Variants in DNAH14 observed in about 807,000 individuals in gnomAD.
DNAH14 encodes dynein axonemal heavy chain 14, also known as axonemal beta dynein heavy chain 14.
Under a neutral mutation model 520.9 loss-of-function variants are expected in DNAH14, and 478 were observed. The ratio of observed to expected loss-of-function variants is 0.92; its 90% CI spans 0.85 to 0.99. The LOEUF is 0.99. DNAH14 is among the 50% of genes least tolerant of loss of function. The pLI, the probability that DNAH14 is intolerant of heterozygous loss-of-function variation, is 0.00. For missense variants in DNAH14, 4,831 were observed against 5,234.5 expected (o/e 0.92, Z 2.38); for synonymous variants, 1,581 against 1,757.2 (o/e 0.90, Z 2.51).
chr1:225,238,517 G>C (rs2091754831), intron 42 of DNAH14, among the ~76,000 whole-genome samples: 1 of 152,140 alleles, frequency 6.6e-6, no homozygotes, highest in African/African-American at 2.4e-5. Flanking sequence ...AGGGGATACT[G>C]ACCTGTTTCC....
At chr1:225,178,474 C>T (rs1284017003) in intron 36 of DNAH14, among the ~76,000 whole-genome samples, 3 of 152,130 alleles carry the variant, frequency 2.0e-5, no homozygotes, top group Non-Finnish European at 4.4e-5. Flanking sequence ...CAATTGCCTC[C>T]TCTGGGTCCC....
chr1:225,286,180 T>C lies in DNAH14; in HGVS notation c.8272-3705T>C, dbSNP rs548331951. On this transcript the variant is annotated intron_variant, in intron 54 of 85. Transcript: ENST00000682510. ...GAGAGGAGGGGAGAAAGGGAGAGTT[T>C]AGTTAATTAATACAAAATTATAGCT... Among the ~76,000 whole-genome samples the C allele has an allele frequency of 3.9e-5, 6 of 152,282 alleles. No homozygotes were observed. In the South Asian group the frequency reaches 1.2e-3, roughly 32 times the overall value.
At chr1:225,208,470 G>A (rs971951256) in intron 41 of DNAH14, among the ~76,000 whole-genome samples, 1 of 152,182 alleles carries the variant, frequency 6.6e-6, no homozygotes, top group South Asian at 2.1e-4. Context: ...TAAATATTAT[G>A]TATTTTAAAT....
intron 41 of DNAH14, among the ~76,000 whole-genome samples, chr1:225,210,572 C>G (rs2088238568): frequency 6.6e-6 from 1 of 151,926 alleles, no homozygotes. Context: ...GAAGGGTTGG[C>G]TGCTGCTTCA....
intron 15 of DNAH14, 42 bp downstream of exon 15, chr1:225,044,025 G>C: frequency 1.6e-6 from 2 of 1,233,156 alleles, no homozygotes; most frequent in South Asian, 1.5e-5. Context: ...TGTCTTCTTT[G>C]GCAATATTTT....
At position 225,340,650 on chromosome 1, in the gene DNAH14, ACT is replaced by A; in HGVS notation, c.10630_10631del (p.Leu3544Ter). 6.4e-7 allele frequency: 1 copy of A among 1,551,360 alleles called. No homozygotes were observed. The highest frequency in any genetic ancestry group is 1.2e-5 in the South Asian group (1 of 84,032). On this transcript the variant is annotated frameshift_variant, in exon 69 of 86. Transcript: ENST00000682510. LOFTEE classifies it high-confidence loss of function. ...GGAGAGTATTTCCCTTGATGCCATA[ACT>A]CTTGAAGAACTAGAGGAAAAAACAT... ...LLESISLDAI[T>X]LEELEEKTLN... is the part of the protein sequence containing the mutation.
intron 43 of DNAH14, among the ~76,000 whole-genome samples, chr1:225,241,334 G>A (rs1254122926): frequency 6.6e-6 from 1 of 152,144 alleles, no homozygotes; most frequent in Non-Finnish European, 1.5e-5. Context: ...AGTAGGTAAA[G>A]TGATTGTTGA....
intron 1 of DNAH14, among the ~76,000 whole-genome samples, chr1:224,937,185 A>G (rs904725064): frequency 6.6e-6 from 1 of 152,018 alleles, no homozygotes; most frequent in Non-Finnish European, 1.5e-5. Context: ...TTTATTTGAC[A>G]TACTTCTGGA....
chr1:224,963,936 C>A (rs1396879375), intron 4 of DNAH14, among the ~76,000 whole-genome samples: 2 of 152,114 alleles, frequency 1.3e-5, no homozygotes, highest in African/African-American at 2.4e-5. Context: ...CTTCTCTTTC[C>A]ATGATTTGTT....
intron 4 of DNAH14, among the ~76,000 whole-genome samples, chr1:224,963,276 T>C (rs551971307): frequency 6.6e-6 from 1 of 152,208 alleles, no homozygotes; most frequent in Middle Eastern, 3.4e-3. Context: ...AGTTGCTAAG[T>C]TTGAGCAAGT....
intron 2 of DNAH14, among the ~76,000 whole-genome samples, chr1:224,953,855 A>G (rs1015105896): frequency 1.1e-4 from 17 of 152,198 alleles, no homozygotes; most frequent in Non-Finnish European, 1.5e-4. Context: ...TTAGGAAAAC[A>G]TATAAGCTCA....
intron 36 of DNAH14, among the ~76,000 whole-genome samples, chr1:225,174,173 G>A (rs568862406): frequency 3.3e-5 from 5 of 152,142 alleles, no homozygotes; most frequent in African/African-American, 9.6e-5. Context: ...ATGACGAGTC[G>A]ATGGGTACAG....
intron 10 of DNAH14, among the ~76,000 whole-genome samples, chr1:225,017,576 G>A (rs1375075500): frequency 6.6e-6 from 1 of 152,200 alleles, no homozygotes; most frequent in Non-Finnish European, 1.5e-5. Context: ...CACTTTTGCT[G>A]ACAGCCTCCC....
At chr1:225,329,299 C>T (rs760361627) in intron 64 of DNAH14, among the ~76,000 whole-genome samples, 1 of 152,060 alleles carries the variant, frequency 6.6e-6, no homozygotes, top group Non-Finnish European at 1.5e-5. Context: ...GGATGTGAGT[C>T]AAATCCCAGA....
Position 225,351,607 on chromosome 1 carries a change from T to C in DNAH14, c.11297-40T>C, listed in dbSNP as rs536464382. 6.5e-5 allele frequency: 93 copies of C among 1,432,714 alleles called. No individual in the cohort carries two copies. In the African/African-American group the frequency reaches 1.2e-3, roughly 19 times the overall value. The allele number at this position is 1,432,714 out of a possible 1,614,324, so 88.8% of individuals were successfully genotyped here. A position where few individuals can be genotyped will look rare whatever the true frequency, so the allele number is the denominator to read the frequency against. ...GTAATGAATAACTAAAAGGTAAAGG[T>C]TTATCTCTTCTAATGTGATCATCTT... On this transcript the variant is annotated intron_variant, in intron 71 of 85. Coordinates refer to ENST00000682510, the MANE Select transcript of DNAH14 (RefSeq NM_001367479.1).
At chr1:224,980,165 G>T (rs1172980474) in intron 8 of DNAH14, among the ~76,000 whole-genome samples, 1 of 152,166 alleles carries the variant, frequency 6.6e-6, no homozygotes, top group Non-Finnish European at 1.5e-5. Flanking sequence ...GCCACAGTGG[G>T]ATGGAATACC....
intron 23 of DNAH14, among the ~76,000 whole-genome samples, chr1:225,111,454 G>A (rs2076470849): frequency 6.6e-6 from 1 of 151,920 alleles, no homozygotes; most frequent in Admixed American, 6.6e-5. Flanking sequence ...AGCTATTCTT[G>A]CTCTTTTTTG....
chr1:224,977,068 GCA>G (rs969747205), intron 8 of DNAH14, among the ~76,000 whole-genome samples: 1 of 151,416 alleles, frequency 6.6e-6, no homozygotes, highest in African/African-American at 2.4e-5. Context: ...ATTCACAATA[GCA>G]AAGACTTGGA....
At position 225,346,444 on chromosome 1, in the gene DNAH14, T is replaced by TA. The variant is rs1375760010; in HGVS notation, c.11098-12_11098-11insA. 3.2e-6 allele frequency: 5 copies of TA among 1,539,716 alleles called. No individual in the cohort carries two copies. The highest frequency in any genetic ancestry group is 4.4e-6 in the Non-Finnish European group (5 of 1,144,132). On this transcript the variant is annotated splice_polypyrimidine_tract_variant and intron_variant, in intron 70 of 85. Coordinates refer to ENST00000682510, the MANE Select transcript of DNAH14 (RefSeq NM_001367479.1). ...AATCTCACTGGATTAATATGTTATA[T>TA]TTTCCCTATAGGTGGTTTCTTCAGC... is the stretch of plus-strand genomic sequence containing the variant.
Sources: allele counts gnomAD v4.1 joint callset (sites outside exome capture counted in the v4.1 genomes callset), GRCh38; gene constraint gnomAD v4.1.1; transcripts MANE v1.5; gene names NCBI Gene and HGNC (gene_info 2026-07-23, HGNC 2026-07-21).